Variants in CCL5 observed in about 807,000 individuals in gnomAD.
CCL5 encodes C-C motif chemokine 5.
CCL5 carries 5 observed loss-of-function variants against 9.0 expected under a neutral mutation model. The ratio of observed to expected loss-of-function variants is 0.55; its 90% confidence interval spans 0.29 to 1.16. The LOEUF is 1.16. Ranked by LOEUF, CCL5 falls within the 50% of genes most tolerant of loss-of-function variation. The probability of loss-of-function intolerance (pLI) is 0.08; values close to 1 mark genes in which losing one functional copy is unlikely to be tolerated. For synonymous variants in CCL5, 66 were observed against 72.0 expected, an observed-to-expected ratio of 0.92 and a Z score of 0.42; for missense variants, 183 against 183.2, an observed-to-expected ratio of 1.00 and a Z score of 0.01.
chr17:35,879,362 C>T (rs541325427), intron 1 of CCL5, among the ~76,000 whole-genome samples: 3 of 152,224 alleles, frequency 2.0e-5, no homozygotes, highest in East Asian at 3.9e-4. Context: ...CGGCTGGGCA[C>T]GGTGGCTCAC....
chr17:35,880,231 T>A lies in CCL5; in HGVS notation c.75A>T (p.Pro25=), dbSNP rs1380853934. ...GTGGTGGTCAAGACCAGGACTTACATGGGGAGGCAGATGCAGGAGCGCAGA... is the reference window on the plus strand; with the variant it reads ...GTGGTGGTCAAGACCAGGACTTACAAGGGGAGGCAGATGCAGGAGCGCAGA... Residue 25 remains proline, a splice_region_variant and synonymous_variant, in exon 1 of 4, where the codon CCA becomes CCT. Transcript: ENST00000651122. The A allele has an allele frequency of 1.9e-6, 3 of 1,613,350 alleles. No individual in the cohort carries two copies. The highest frequency in any genetic ancestry group is 2.5e-6 in the Non-Finnish European group (3 of 1,179,682).
intron 1 of CCL5, among the ~76,000 whole-genome samples, 187 bp downstream of exon 1, chr17:35,880,043 T>C (rs1201858469): frequency 6.6e-6 from 1 of 152,174 alleles, no homozygotes; most frequent in Non-Finnish European, 1.5e-5. Flanking sequence ...TGAAGCAGCA[T>C]AGAGATCTCT....
intron 1 of CCL5, among the ~76,000 whole-genome samples, 192 bp downstream of exon 1, chr17:35,880,038 C>G (rs1266963514): frequency 3.3e-5 from 5 of 152,174 alleles, no homozygotes; most frequent in Admixed American, 3.3e-4. Context: ...TGCCATGAAG[C>G]AGCATAGAGA....
At chr17:35,875,498 C>T (rs948165953) in intron 3 of CCL5, 2 of 677,630 alleles carry the variant, frequency 3.0e-6, no homozygotes, top group African/African-American at 3.9e-5. Context: ...AATATTCTGG[C>T]CTCTCATACT....
intron 1 of CCL5, 49 bp downstream of exon 1, chr17:35,880,181 T>C (rs1178918216): frequency 2.0e-6 from 3 of 1,500,574 alleles, no homozygotes; most frequent in Non-Finnish European, 2.8e-6. Flanking sequence ...GTAGGCATTC[T>C]AGGCAGAGTC....
chr17:35,873,402 T>A lies in CCL5; in HGVS notation c.271-938A>T, dbSNP rs567545590. On this transcript the variant is annotated intron_variant, in intron 3 of 3. Coordinates refer to ENST00000651122, the MANE Select transcript of CCL5 (RefSeq NM_001278736.2). ...CAGAGTTTCACTGTGTTAGCCAGGA[T>A]GGTCTCGATCTCCTGACCTCGTGAT... Among the ~76,000 whole-genome samples the A allele has an allele frequency of 1.5e-3, 231 of 150,874 alleles. 1 individual carries two copies. Among genetic ancestry groups the A allele is most frequent in the African/African-American group, 5.5e-3 (224 of 40,978 alleles).
intron 1 of CCL5, among the ~76,000 whole-genome samples, chr17:35,879,861 A>G (rs924232288): frequency 1.3e-5 from 2 of 152,114 alleles, no homozygotes; most frequent in African/African-American, 4.8e-5. Context: ...AGTTTAGTTA[A>G]ATTTCTTAGA....
At position 35,872,429 on chromosome 17, in the gene CCL5, T is replaced by A. The variant is rs748390053; in HGVS notation, c.306A>T (p.Gln102His). ...CTCCCGAACCCATTTCTTCTCTGGG[T>A]TGGCACACACTTGGCGGTTCTTTCG... Residue 102 changes from glutamine (Q) to histidine (H), a missense_variant, in exon 4 of 4, where the codon CAA becomes CAT. Physicochemically the swap from Gln to His is conservative, Grantham distance 24 (BLOSUM62 0). Coordinates refer to ENST00000651122, the MANE Select transcript of CCL5 (RefSeq NM_001278736.2). 1 of 1,613,920 alleles carries A rather than the reference T, an allele frequency of 6.2e-7. No individual in the cohort carries two copies. Among genetic ancestry groups the A allele is most frequent in the Non-Finnish European group, 8.5e-7 (1 of 1,179,986 alleles).
intron 2 of CCL5, among the ~76,000 whole-genome samples, chr17:35,876,621 A>G (rs970417772): frequency 2.0e-5 from 3 of 152,154 alleles, no homozygotes; most frequent in East Asian, 1.9e-4. Flanking sequence ...TCAGCCTCCA[A>G]TACTACTCAC....
intron 3 of CCL5, among the ~76,000 whole-genome samples, chr17:35,874,001 T>C (rs755427873): frequency 6.6e-6 from 1 of 152,168 alleles, no homozygotes; most frequent in Non-Finnish European, 1.5e-5. Context: ...TTGGGGGTCA[T>C]GAGGGTCAGT....
chr17:35,880,003 A>G (rs2088495302), intron 1 of CCL5, among the ~76,000 whole-genome samples: 1 of 152,164 alleles, frequency 6.6e-6, no homozygotes, highest in Admixed American at 6.5e-5. Context: ...GACCTTAAAG[A>G]CAGAAAAACT....
chr17:35,874,103 C>T (rs149830900), intron 3 of CCL5, among the ~76,000 whole-genome samples: 36 of 152,310 alleles, frequency 2.4e-4, no homozygotes, highest in African/African-American at 8.7e-4. Flanking sequence ...TAACACATTA[C>T]TTCAGGGTCA....
Position 35,872,418 on chromosome 17 carries a change from T to C in CCL5, c.317A>G (p.Glu106Gly). The change falls in exon 4 of 4, where the codon GAA becomes GGA. Residue 106 changes from glutamate (E) to glycine (G), a missense_variant. Physicochemically the swap from Glu to Gly is moderately conservative, Grantham distance 98 (BLOSUM62 -2). Transcript: ENST00000651122. The stretch of plus-strand genomic sequence containing the variant: ...GAGTTGATGTACTCCCGAACCCATT[T>C]CTTCTCTGGGTTGGCACACACTTGG... 1 of 1,613,994 alleles carries C rather than the reference T, an allele frequency of 6.2e-7. No individual in the cohort carries two copies. Among genetic ancestry groups the C allele is most frequent in the Non-Finnish European group, 8.5e-7 (1 of 1,180,000 alleles).
Position 35,872,014 on chromosome 17 carries a change from C to T in CCL5, c.*256G>A, listed in dbSNP as rs528911373. 134 of 153,124 alleles carry T rather than the reference C, an allele frequency of 8.8e-4. No homozygotes were observed. The highest frequency in any genetic ancestry group is 3.2e-3 in the Middle Eastern group (1 of 312). 9.5% of individuals were successfully genotyped at this position (153,124 alleles called of 1,614,324 possible). A position where few individuals can be genotyped will look rare whatever the true frequency, so the allele number is the denominator to read the frequency against. ...TCGGCTCACTGCAAGCTCCGCCTCC[C>T]GGGTTCACGCCATTCTCCTGCCTCA... On this transcript the variant is annotated 3_prime_UTR_variant, in exon 4 of 4. Coordinates refer to ENST00000651122, the MANE Select transcript of CCL5 (RefSeq NM_001278736.2).
At chr17:35,872,923 C>G (rs572495988) in intron 3 of CCL5, among the ~76,000 whole-genome samples, 1 of 151,486 alleles carries the variant, frequency 6.6e-6, no homozygotes, top group African/African-American at 2.4e-5. Context: ...GAGTCTTGCT[C>G]TGTCACCCAG....
chr17:35,878,691 C>A, intron 1 of CCL5, 52 bp from the exon 2 acceptor site: 1 of 1,017,202 alleles, frequency 9.8e-7, no homozygotes, highest in South Asian at 1.4e-5. Context: ...CTACTGCACA[C>A]TTGACATTGT....
rs866162950 is a variant in CCL5 at position 35,879,645 on chromosome 17, A to G, written c.76+585T>C. On this transcript the variant is annotated intron_variant, in intron 1 of 3. Coordinates refer to ENST00000651122, the MANE Select transcript of CCL5 (RefSeq NM_001278736.2). ...GCGAAGACTCCATCTCAAAAAAAAA[A>G]AAAAAAAAAAAAAAGATGTGCCAAA... is the stretch of plus-strand genomic sequence containing the variant. Among the ~76,000 whole-genome samples the G allele has an allele frequency of 3.5e-3, 534 of 151,622 alleles. 3 individuals carry two copies. Among genetic ancestry groups the G allele is most frequent in the African/African-American group, 0.012 (500 of 41,332 alleles).
intron 1 of CCL5, among the ~76,000 whole-genome samples, chr17:35,879,373 G>A (rs942213363): frequency 5.3e-5 from 8 of 152,246 alleles, no homozygotes; most frequent in Admixed American, 1.3e-4. Flanking sequence ...GGTGGCTCAC[G>A]CCTGTAATCC....
At chr17:35,875,932 TTGAATGATTAA>T (rs1568349212) in intron 2 of CCL5, among the ~76,000 whole-genome samples, 1 of 152,204 alleles carries the variant, frequency 6.6e-6, no homozygotes, top group East Asian at 1.9e-4. Flanking sequence ...TGGATGTTTA[TTGAATGATTAA>T]GTGAATGAAT....
Sources: gnomAD v4.1 joint callset for allele counts (sites outside exome capture counted in the v4.1 genomes callset) on GRCh38, gnomAD v4.1.1 for gene constraint, MANE v1.5 for transcripts, NCBI Gene and HGNC (gene_info 2026-07-23, HGNC 2026-07-21) for gene names.